STK33: variants seen among roughly 807,000 people sequenced by gnomAD.
The protein encoded by STK33 is serine/threonine-protein kinase 33.
A neutral mutation model predicts 58.0 loss-of-function variants in STK33; 52 were observed. The observed-to-expected ratio is 0.90, with a 90% CI of 0.72 to 1.13. The LOEUF is 1.13. STK33 is among the 50% of genes most tolerant of loss of function. The pLI is 0.00. For synonymous variants in STK33, 215 were observed against 200.1 expected (o/e 1.07, Z -0.63); for missense variants, 630 against 604.2 (o/e 1.04, Z -0.45).
chr11:8,520,283 A>G (rs1201934357), intron 1 of STK33, among the ~76,000 whole-genome samples: 1 of 152,250 alleles, frequency 6.6e-6, no homozygotes, highest in East Asian at 1.9e-4. Context: ...GCCTTTGACA[A>G]AATTCAGCAG....
rs376550348 is a variant in STK33, at chr11:8,525,925, C to T, written c.-465-45311G>A. On this transcript the variant is annotated intron_variant, in intron 1 of 15. Transcript: ENST00000687296. Reference sequence around the variant, plus strand: ...AGGGGGCCTTCACAAAAGAGGATACCCAAATGCCAATAAACATAATAAAAA... The same window carrying T: ...AGGGGGCCTTCACAAAAGAGGATACTCAAATGCCAATAAACATAATAAAAA... 3.3e-5 allele frequency among the ~76,000 whole-genome samples: 5 copies of T among 152,046 alleles called. No homozygotes were observed. In the South Asian group the frequency reaches 1.0e-3, roughly 32 times the overall value.
At chr11:8,512,334 C>CA (rs10708508) in intron 1 of STK33, among the ~76,000 whole-genome samples, 5 of 151,602 alleles carry the variant, frequency 3.3e-5, no homozygotes, top group African/African-American at 9.7e-5. Flanking sequence ...GGTAGATATA[C>CA]AAAAAAAATA....
intron 2 of STK33, among the ~76,000 whole-genome samples, chr11:8,479,930 A>G (rs767885023): frequency 6.6e-5 from 10 of 152,230 alleles, no homozygotes; most frequent in Non-Finnish European, 8.8e-5. Context: ...ATAGGCACTC[A>G]ATGAAAATTT....
At chr11:8,518,366 G>A (rs990381068) in intron 1 of STK33, among the ~76,000 whole-genome samples, 16 of 152,154 alleles carry the variant, frequency 1.1e-4, no homozygotes, top group African/African-American at 3.4e-4. Context: ...AGGAACAACC[G>A]GTACCAGCCA....
intron 2 of STK33, among the ~76,000 whole-genome samples, chr11:8,477,534 T>A (rs553301732): frequency 2.6e-5 from 4 of 152,194 alleles, no homozygotes; most frequent in Admixed American, 2.6e-4. Context: ...TTTATTTAAC[T>A]GCAGCTGAGT....
chr11:8,587,924 C>T (rs904912534), intron 1 of STK33, among the ~76,000 whole-genome samples: 1 of 152,208 alleles, frequency 6.6e-6, no homozygotes, highest in East Asian at 1.9e-4. Context: ...TAACAGAATA[C>T]CATAGACTGG....
the STK33 span, among the ~76,000 whole-genome samples, chr11:8,339,095 T>C: frequency 6.6e-6 from 1 of 152,114 alleles, no homozygotes; most frequent in Admixed American, 6.5e-5. Context: ...AGGAATTCTT[T>C]GGGGGAAAGT....
At chr11:8,398,776 G>T (rs2135188704) in intron 15 of STK33, among the ~76,000 whole-genome samples, 1 of 134,144 alleles carries the variant, frequency 7.5e-6, no homozygotes, top group African/African-American at 2.9e-5. Context: ...GATCTACCAA[G>T]CAAATGGAAA....
At chr11:8,385,968 G>GA in the STK33 span, among the ~76,000 whole-genome samples, 1 of 151,252 alleles carries the variant, frequency 6.6e-6, no homozygotes, top group Non-Finnish European at 1.5e-5. Flanking sequence ...TAGAGACAGG[G>GA]TTTCACCATG....
At chr11:8,341,108 C>T in the STK33 span, among the ~76,000 whole-genome samples, 5 of 41,586 alleles carry the variant, frequency 1.2e-4, no homozygotes, top group South Asian at 1.6e-3. Flanking sequence ...TCTGCCTGCC[C>T]GGGCCTCCAA....
At chr11:8,470,104 C>T (rs1948629938) in intron 6 of STK33, among the ~76,000 whole-genome samples, 1 of 152,192 alleles carries the variant, frequency 6.6e-6, no homozygotes. Flanking sequence ...GGCTGTGAAG[C>T]CAAGCATTGA....
chr11:8,415,732 T>C lies in STK33; in HGVS notation c.1147-2040A>G, dbSNP rs6650174. Among the ~76,000 whole-genome samples, 916 of 152,270 alleles carry C rather than the reference T, an allele frequency of 6.0e-3. 15 individuals are homozygous for C. The highest frequency in any genetic ancestry group is 0.021 in the African/African-American group (874 of 41,564). On this transcript the variant is annotated intron_variant, in intron 14 of 15. Coordinates refer to ENST00000687296, the MANE Select transcript of STK33 (RefSeq NM_001352389.2). ...AGAAGCCTTAAAAAGAGTGACTTTA[T>C]TGTAAAACCATCAGGTCCAACAAAA...
intron 11 of STK33, among the ~76,000 whole-genome samples, chr11:8,444,173 A>G (rs1049866412): frequency 6.6e-6 from 1 of 152,216 alleles, no homozygotes; most frequent in Non-Finnish European, 1.5e-5. Flanking sequence ...TAACTGTCCT[A>G]ACCACTAACA....
intron 1 of STK33, among the ~76,000 whole-genome samples, chr11:8,526,711 A>G (rs1954055294): frequency 6.6e-6 from 1 of 152,022 alleles, no homozygotes; most frequent in Non-Finnish European, 1.5e-5. Flanking sequence ...TCAAATACCT[A>G]GGTATAAATC....
the STK33 span, among the ~76,000 whole-genome samples, chr11:8,355,484 T>G: frequency 6.6e-6 from 1 of 152,252 alleles, no homozygotes; most frequent in Non-Finnish European, 1.5e-5. Context: ...GGTGCCCAGC[T>G]GGGTGAGACC....
At chr11:8,465,972 C>G (rs1410931069) in intron 6 of STK33, 1 of 152,298 alleles carries the variant, frequency 6.6e-6, no homozygotes, top group Non-Finnish European at 1.5e-5. Context: ...GGCTTGTACA[C>G]AGAAACTCCT....
intron 1 of STK33, among the ~76,000 whole-genome samples, chr11:8,493,720 C>G (rs559404683): frequency 6.6e-6 from 1 of 152,284 alleles, no homozygotes; most frequent in South Asian, 2.1e-4. Context: ...CAAACTGAAT[C>G]CAGCAGCACA....
chr11:8,546,709 C>T (rs570147909), intron 1 of STK33, among the ~76,000 whole-genome samples: 1 of 151,954 alleles, frequency 6.6e-6, no homozygotes, highest in East Asian at 1.9e-4. Context: ...CTGTGCCTGG[C>T]TTATTTAAGA....
At chr11:8,512,180 G>T (rs1040040406) in intron 1 of STK33, among the ~76,000 whole-genome samples, 6 of 152,038 alleles carry the variant, frequency 3.9e-5, no homozygotes, top group African/African-American at 1.4e-4. Context: ...TATTTCTAGT[G>T]ACTAAGTTTT....
Sources: gnomAD v4.1 joint callset for allele counts (sites outside exome capture counted in the v4.1 genomes callset) on GRCh38, gnomAD v4.1.1 for gene constraint, MANE v1.5 for transcripts, NCBI Gene and HGNC (gene_info 2026-07-23, HGNC 2026-07-21) for gene names.